The following MCC variants were observed in gnomAD, a reference collection of about 807,000 sequenced individuals.
The protein encoded by MCC is MCC regulator of Wnt signaling pathway, also known as colorectal mutant cancer protein.
In MCC, 90 loss-of-function variants were observed where a neutral mutation model predicts 116.2. That is an observed-to-expected ratio of 0.77 (90% CI 0.65 to 0.92). The LOEUF is 0.92. Ranked by LOEUF, MCC falls within the 40% of genes least tolerant of loss-of-function variation. MCC has a pLI of 0.00. For synonymous variants in MCC, 578 were observed against 510.5 expected (o/e 1.13, Z -1.78); for missense variants, 1,516 against 1,312.2 (o/e 1.16, Z -2.40).
intron 13 of MCC, among the ~76,000 whole-genome samples, chr5:113,065,292 T>C (rs1046963895): frequency 1.3e-5 from 2 of 152,060 alleles, no homozygotes; most frequent in Non-Finnish European, 2.9e-5. Context: ...ATGTTGAGGG[T>C]TGGAGGCATA....
intron 3 of MCC, among the ~76,000 whole-genome samples, chr5:113,333,844 T>TACATATATGTATATATGTACATATGTAC (rs368087327): frequency 1.9e-5 from 1 of 52,178 alleles, no homozygotes; most frequent in Non-Finnish European, 4.8e-5. Flanking sequence ...TGTATATATG[T>TACATATATGTATATATGTACATATGTAC]ATATATGTAC....
intron 17 of MCC, among the ~76,000 whole-genome samples, chr5:113,032,483 T>TA (rs1351605128): frequency 6.6e-6 from 1 of 152,074 alleles, no homozygotes; most frequent in Non-Finnish European, 1.5e-5. Flanking sequence ...ACATTGTTAT[T>TA]AAAATTAATT....
At chr5:113,064,898 G>C (rs947568142) in intron 13 of MCC, among the ~76,000 whole-genome samples, 1 of 152,140 alleles carries the variant, frequency 6.6e-6, no homozygotes, top group African/African-American at 2.4e-5. Context: ...TAGAGATATT[G>C]AAAAGATCAT....
chr5:113,321,770 G>A (rs1013490576), intron 3 of MCC, among the ~76,000 whole-genome samples: 1 of 152,180 alleles, frequency 6.6e-6, no homozygotes, highest in African/African-American at 2.4e-5. Flanking sequence ...CCAGAGAGCT[G>A]GTTAAAATGC....
chr5:113,280,294 G>A (rs1423960371), intron 3 of MCC, among the ~76,000 whole-genome samples: 4 of 152,162 alleles, frequency 2.6e-5, no homozygotes, highest in East Asian at 3.8e-4. Context: ...CACACCGCTG[G>A]TTGATATAAA....
intron 3 of MCC, among the ~76,000 whole-genome samples, chr5:113,324,391 A>T (rs1465472218): frequency 6.6e-6 from 1 of 152,252 alleles, no homozygotes; most frequent in Non-Finnish European, 1.5e-5. Flanking sequence ...TATTACACAC[A>T]TAATATTCAT....
chr5:113,468,411 A>G (rs1210071115), intron 1 of MCC, among the ~76,000 whole-genome samples: 2 of 152,218 alleles, frequency 1.3e-5, no homozygotes, highest in Non-Finnish European at 2.9e-5. Context: ...AACTTTGTCA[A>G]AGGCCTTTTC....
intron 1 of MCC, among the ~76,000 whole-genome samples, chr5:113,456,959 A>G (rs1771569892): frequency 6.6e-6 from 1 of 152,218 alleles, no homozygotes; most frequent in Non-Finnish European, 1.5e-5. Context: ...GGATGAAATC[A>G]TAATGAGAGG....
intron 3 of MCC, among the ~76,000 whole-genome samples, chr5:113,265,818 C>T (rs1029245304): frequency 2.6e-5 from 4 of 152,128 alleles, no homozygotes; most frequent in Non-Finnish European, 4.4e-5. Context: ...TAGAATCATA[C>T]CCCGTTTCCA....
chr5:113,056,151 G>A (rs1580942901), intron 14 of MCC, among the ~76,000 whole-genome samples: 2 of 152,286 alleles, frequency 1.3e-5, no homozygotes, highest in East Asian at 1.9e-4. Flanking sequence ...AATGCCCTAA[G>A]AGCAAAGTGC....
At chr5:113,247,220 G>C (rs1441735334) in intron 3 of MCC, among the ~76,000 whole-genome samples, 1 of 152,208 alleles carries the variant, frequency 6.6e-6, no homozygotes, top group African/African-American at 2.4e-5. Flanking sequence ...CCAGAAGTGG[G>C]GGTTTCATCA....
chr5:113,217,840 G>A (rs1471426607), intron 3 of MCC, among the ~76,000 whole-genome samples: 1 of 151,966 alleles, frequency 6.6e-6, no homozygotes, highest in Non-Finnish European at 1.5e-5. Flanking sequence ...CAGGAGACAA[G>A]AGAAACACTG....
intron 2 of MCC, among the ~76,000 whole-genome samples, chr5:113,381,176 G>T (rs1383965376): frequency 6.6e-6 from 1 of 152,186 alleles, no homozygotes; most frequent in Non-Finnish European, 1.5e-5. Context: ...AAGGAAGTGG[G>T]CAGATTCTGG....
intron 6 of MCC, among the ~76,000 whole-genome samples, chr5:113,110,855 A>C (rs1315137527): frequency 6.6e-6 from 1 of 152,182 alleles, no homozygotes; most frequent in African/African-American, 2.4e-5. Flanking sequence ...AAAAATTGTT[A>C]AAATTTATGG....
chr5:113,067,092 G>A (rs1473587601), intron 13 of MCC, among the ~76,000 whole-genome samples: 1 of 152,186 alleles, frequency 6.6e-6, no homozygotes, highest in Non-Finnish European at 1.5e-5. Flanking sequence ...AAATGCTGCC[G>A]CTTCCTAGAA....
intron 2 of MCC, among the ~76,000 whole-genome samples, chr5:113,382,672 G>A (rs537841035): frequency 3.3e-5 from 5 of 152,190 alleles, no homozygotes; most frequent in African/African-American, 9.6e-5. Flanking sequence ...AGTTTAACAC[G>A]TATTTAGTGA....
At chr5:113,173,335 C>G (rs909713141) in intron 3 of MCC, among the ~76,000 whole-genome samples, 6 of 152,110 alleles carry the variant, frequency 3.9e-5, no homozygotes, top group Non-Finnish European at 5.9e-5. Context: ...TAGAAATCAA[C>G]TTTGTACTTT....
intron 3 of MCC, among the ~76,000 whole-genome samples, chr5:113,178,588 G>A (rs1761455934): frequency 6.6e-6 from 1 of 152,156 alleles, no homozygotes. Context: ...CCCTTGCAGA[G>A]ATAGCTAAAC....
chr5:113,191,683 T>C (rs1475014000), intron 3 of MCC, among the ~76,000 whole-genome samples: 3 of 152,218 alleles, frequency 2.0e-5, no homozygotes, highest in Non-Finnish European at 4.4e-5. Context: ...GATGGGCGAC[T>C]TGATTTTTAA....
Sources: allele counts gnomAD v4.1 joint callset (sites outside exome capture counted in the v4.1 genomes callset), GRCh38; gene constraint gnomAD v4.1.1; transcripts MANE v1.5; gene names NCBI Gene and HGNC (gene_info 2026-07-23, HGNC 2026-07-21).